The following EML1 variants were observed in gnomAD, a reference collection of about 807,000 sequenced individuals.
EML1 encodes EMAP like 1, also known as echinoderm microtubule-associated protein-like 1.
A neutral mutation model predicts 110.4 loss-of-function variants in EML1; 27 were observed. The observed-to-expected ratio is 0.24, with a 90% CI of 0.18 to 0.34. The LOEUF is 0.34. Ranked by LOEUF, EML1 falls within the 10% of genes least tolerant of loss-of-function variation. The pLI is 1.00. For missense variants in EML1, 741 were observed against 1,030.9 expected (o/e 0.72, Z 3.85); for synonymous variants, 344 against 385.8 (o/e 0.89, Z 1.27).
At chr14:99,910,483 G>A (rs975532233) in intron 12 of EML1, 142 bp downstream of exon 12, 6 of 618,010 alleles carry the variant, frequency 9.7e-6, no homozygotes, top group African/African-American at 1.9e-5. Flanking sequence ...ACATACATGT[G>A]TGCATGTGTA....
At chr14:99,859,709 G>T (rs916121076) in intron 2 of EML1, among the ~76,000 whole-genome samples, 1 of 152,256 alleles carries the variant, frequency 6.6e-6, no homozygotes, top group Non-Finnish European at 1.5e-5. Flanking sequence ...GGTTTTGGGG[G>T]AGAATGTGCC....
exon 1 of EML1, chr14:99,737,790 AC>A: frequency 7.8e-7 from 1 of 1,288,846 alleles, no homozygotes; most frequent in Non-Finnish European, 1.0e-6. Flanking sequence ...GCTCTGAGTG[AC>A]CCTGCAGGCT....
At chr14:99,865,401 C>A (rs1023950228) in intron 2 of EML1, 113 bp from the exon 3 acceptor site, 2 of 1,369,328 alleles carry the variant, frequency 1.5e-6, no homozygotes, top group South Asian at 1.3e-5. Context: ...TCACTGCTCA[C>A]CTCCTCCTGC....
At chr14:99,877,234 C>T (rs754869724) in intron 3 of EML1, among the ~76,000 whole-genome samples, 48 of 152,104 alleles carry the variant, frequency 3.2e-4, no homozygotes, top group Non-Finnish European at 6.2e-4. Flanking sequence ...TCCATAAGGG[C>T]ACTAATTCCA....
chr14:99,860,153 C>T (rs1410767853), intron 2 of EML1, among the ~76,000 whole-genome samples: 1 of 152,168 alleles, frequency 6.6e-6, no homozygotes, highest in African/African-American at 2.4e-5. Context: ...AGCCATCCTG[C>T]AATCCTTCCA....
chr14:99,822,382 A>G (rs909547942), intron 1 of EML1, among the ~76,000 whole-genome samples: 1 of 152,212 alleles, frequency 6.6e-6, no homozygotes, highest in African/African-American at 2.4e-5. Context: ...AGCTGTTTGA[A>G]TAACAATAGT....
At position 99,894,750 on chromosome 14, in the gene EML1, G is replaced by C. The variant is rs144068185; in HGVS notation, c.669G>C (p.Leu223=). 1 of 1,611,736 alleles carries C rather than the reference G, an allele frequency of 6.2e-7. No individual in the cohort carries two copies. The highest frequency in any genetic ancestry group is 1.3e-5 in the African/African-American group (1 of 74,812). ...KVELPTKRLK[L]EWVYGYRGRD... is the part of the protein sequence containing the mutation. ...AACTTCCAACCAAGAGACTCAAGCT[G>C]GAATGGGTGTATCCTTTATTCATTG... The change falls in exon 6 of 22, where the codon CTG becomes CTC. Residue 223 remains leucine (L), a synonymous_variant. Transcript: ENST00000262233.
intron 4 of EML1, among the ~76,000 whole-genome samples, chr14:99,879,904 C>T (rs780116505): frequency 2.0e-5 from 3 of 152,238 alleles, no homozygotes; most frequent in Non-Finnish European, 2.9e-5. Flanking sequence ...GGCTCCTCCT[C>T]TGCACATCTG....
At chr14:99,865,404 C>T in intron 2 of EML1, 110 bp from the exon 3 acceptor site, 2 of 1,396,238 alleles carry the variant, frequency 1.4e-6, no homozygotes, top group East Asian at 2.3e-5. Context: ...CTGCTCACCT[C>T]CTCCTGCTGT....
chr14:99,801,948 A>G (rs933528553), intron 1 of EML1, among the ~76,000 whole-genome samples: 5 of 152,248 alleles, frequency 3.3e-5, no homozygotes, highest in African/African-American at 1.2e-4. Context: ...TTTGTTTCTC[A>G]GGAGCTAAAC....
rs141237913 is a variant in EML1, at chr14:99,737,841, C to T, written c.9C>T (p.Asp3=). Reference sequence around the variant, plus strand: ...CGCCCATCTTCCACACCATGTCGGACGGCGAGGGCCCCTCCGCCGGTGAGT... The same window carrying T: ...CGCCCATCTTCCACACCATGTCGGATGGCGAGGGCCCCTCCGCCGGTGAGT... Residue 3 remains aspartate (D), a synonymous_variant, in exon 1 of 11, where the codon GAC becomes GAT. Transcript: ENST00000554479. The T allele has an allele frequency of 2.1e-3, 2,770 of 1,289,304 alleles. 5 individuals are homozygous for T. Among genetic ancestry groups the T allele is most frequent in the Non-Finnish European group, 2.7e-3 (2,632 of 988,662 alleles). The allele number at this position is 1,289,304 out of a possible 1,614,324, so 79.9% of individuals were successfully genotyped here.
intron 1 of EML1, among the ~76,000 whole-genome samples, chr14:99,822,698 T>C (rs1339538035): frequency 3.3e-5 from 5 of 152,136 alleles, no homozygotes; most frequent in Non-Finnish European, 5.9e-5. Flanking sequence ...TGCCAAGAAA[T>C]GCCGTTTCTT....
At chr14:99,760,832 C>A (rs2057307280) in intron 1 of EML1, among the ~76,000 whole-genome samples, 1 of 152,264 alleles carries the variant, frequency 6.6e-6, no homozygotes, top group Admixed American at 6.5e-5. Flanking sequence ...TACCTGCATT[C>A]AACCAGTACA....
intron 1 of EML1, among the ~76,000 whole-genome samples, chr14:99,824,013 G>A (rs893365414): frequency 2.0e-5 from 3 of 152,080 alleles, no homozygotes; most frequent in African/African-American, 4.8e-5. Flanking sequence ...ATGGAGTGCC[G>A]TGGCGCGATC....
intron 2 of EML1, among the ~76,000 whole-genome samples, chr14:99,853,365 G>A (rs2058844538): frequency 6.6e-6 from 1 of 152,042 alleles, no homozygotes; most frequent in Admixed American, 6.6e-5. Context: ...GGGCAGGAGG[G>A]GCGTGCCCGT....
At chr14:99,912,324 G>A (rs1164863487) in intron 13 of EML1, among the ~76,000 whole-genome samples, 2 of 152,028 alleles carry the variant, frequency 1.3e-5, no homozygotes, top group African/African-American at 2.4e-5. Flanking sequence ...TTTGATACCC[G>A]GTGTACCTCC....
chr14:99,777,212 TAATTTA>T (rs2057492674), intron 1 of EML1, among the ~76,000 whole-genome samples: 1 of 152,074 alleles, frequency 6.6e-6, no homozygotes. Flanking sequence ...ATTTTAAGCT[TAATTTA>T]AATTTATCAG....
rs1020124915 is a variant in EML1, at chr14:99,867,770, T to C, written c.383+2124T>C. 2.6e-5 allele frequency among the ~76,000 whole-genome samples: 4 copies of C among 152,200 alleles called. No individual in the cohort carries two copies. In the South Asian group the frequency reaches 8.3e-4, roughly 31 times the overall value. On this transcript the variant is annotated intron_variant, in intron 3 of 21. Transcript: ENST00000262233. ...TAAGATTCTGTCATCTGTAGACCGA[T>C]AGTTTTACTTTGGATCCTTTCCTAT...
intron 15 of EML1, 54 bp from the exon 16 acceptor site, chr14:99,917,728 A>T: frequency 6.3e-7 from 1 of 1,576,084 alleles, no homozygotes; most frequent in Non-Finnish European, 8.7e-7. Context: ...TGTGTGTTTT[A>T]TGCTATAGTG....
Sources: gnomAD v4.1 joint callset for allele counts (sites outside exome capture counted in the v4.1 genomes callset) on GRCh38, gnomAD v4.1.1 for gene constraint, MANE v1.5 for transcripts, NCBI Gene and HGNC (gene_info 2026-07-23, HGNC 2026-07-21) for gene names.